KCNMA1: variants seen among roughly 807,000 people sequenced by gnomAD.
The protein encoded by KCNMA1 is Calcium-activated potassium channel subunit alpha-1.
A neutral mutation model predicts 140.0 loss-of-function variants in KCNMA1; 29 were observed. The ratio of observed to expected loss-of-function variants is 0.21; its 90% CI spans 0.15 to 0.28. The LOEUF is 0.28. Among genes scored for constraint, KCNMA1 ranks in the 10% least tolerant of loss-of-function variants. The pLI is 1.00. For synonymous variants in KCNMA1, 612 were observed against 611.9 expected, an observed-to-expected ratio of 1.00 and a Z score of 0.00; for missense variants, 880 against 1,602.2, an observed-to-expected ratio of 0.55 and a Z score of 7.70.
chr10:77,364,368 T>C (rs57082167), intron 2 of KCNMA1, among the ~76,000 whole-genome samples: 6,186 of 152,070 alleles, frequency 0.041, 433 homozygotes, highest in African/African-American at 0.14. Context: ...GGACAATCTC[T>C]TGAACCCCAG....
intron 9 of KCNMA1, among the ~76,000 whole-genome samples, chr10:77,100,423 C>G (rs1193732073): frequency 1.3e-5 from 2 of 152,186 alleles, no homozygotes; most frequent in Non-Finnish European, 2.9e-5. Flanking sequence ...ATATTTGGAA[C>G]AGTCCCTGTG....
intron 18 of KCNMA1, chr10:77,008,335 G>T (rs1381681088): frequency 1.3e-6 from 1 of 748,088 alleles, no homozygotes; most frequent in Non-Finnish European, 2.1e-6. Context: ...TTGTCCACTA[G>T]GAGTCCACAC....
intron 2 of KCNMA1, among the ~76,000 whole-genome samples, chr10:77,339,344 C>T (rs1015726978): frequency 3.4e-4 from 52 of 152,164 alleles, no homozygotes; most frequent in African/African-American, 1.2e-3. Context: ...AGCCTCTCTG[C>T]TCCTGTGCTC....
intron 2 of KCNMA1, among the ~76,000 whole-genome samples, chr10:77,253,134 A>G (rs1238356727): frequency 1.3e-5 from 2 of 152,202 alleles, no homozygotes; most frequent in Admixed American, 6.5e-5. Context: ...CTGTGCTGCT[A>G]TTTCTGAGGC....
intron 3 of KCNMA1, among the ~76,000 whole-genome samples, chr10:77,208,128 C>T (rs1382837499): frequency 2.6e-5 from 4 of 152,220 alleles, no homozygotes; most frequent in Non-Finnish European, 5.9e-5. Flanking sequence ...TGCAAATCTG[C>T]GGATACGCAT....
At chr10:77,253,789 T>C (rs1459306027) in intron 2 of KCNMA1, among the ~76,000 whole-genome samples, 1 of 152,178 alleles carries the variant, frequency 6.6e-6, no homozygotes, top group Non-Finnish European at 1.5e-5. Context: ...TACGATGAAA[T>C]GCTCCCTGGG....
chr10:76,974,537 G>T (rs1433211743), intron 19 of KCNMA1: 1 of 1,549,960 alleles, frequency 6.5e-7, no homozygotes, highest in Non-Finnish European at 8.7e-7. Context: ...GAACTCAAAT[G>T]GATCTTTGGA....
chr10:77,067,226 G>A (rs2095988888), intron 14 of KCNMA1, among the ~76,000 whole-genome samples: 1 of 152,174 alleles, frequency 6.6e-6, no homozygotes, highest in South Asian at 2.1e-4. Context: ...CTAACCCACT[G>A]AAGGCCTGAA....
In KCNMA1 at chr10:77,262,693, C is replaced by T. The variant is rs538789043; in HGVS notation, c.541-11437G>A. On this transcript the variant is annotated intron_variant, in intron 2 of 27. Transcript: ENST00000286628. ...GACCTCTGCACTTCTTTCTTGTCCC[C>T]TTGCTCCTGCTCCCTCTCTTGCCAT... 3.3e-5 allele frequency among the ~76,000 whole-genome samples: 5 copies of T among 152,096 alleles called. No homozygotes were observed. The East Asian group carries it at 7.8e-4, about 24-fold the overall frequency.
intron 5 of KCNMA1, among the ~76,000 whole-genome samples, chr10:77,179,697 A>G (rs183155433): frequency 6.6e-6 from 1 of 152,248 alleles, no homozygotes; most frequent in East Asian, 1.9e-4. Context: ...CAGACCACAT[A>G]CTGGGGAATG....
intron 1 of KCNMA1, among the ~76,000 whole-genome samples, chr10:77,496,049 C>T (rs1279801019): frequency 6.6e-6 from 1 of 152,190 alleles, no homozygotes; most frequent in African/African-American, 2.4e-5. Flanking sequence ...CTGGAAGCCC[C>T]ACCCCTAGAA....
chr10:77,605,100 C>A (rs1021124522), intron 1 of KCNMA1, among the ~76,000 whole-genome samples: 2 of 152,268 alleles, frequency 1.3e-5, no homozygotes, highest in African/African-American at 4.8e-5. Context: ...AGCCAGCTGC[C>A]GGGCTTTCCA....
chr10:77,241,161 T>C (rs1428959897), intron 3 of KCNMA1, among the ~76,000 whole-genome samples: 3 of 152,184 alleles, frequency 2.0e-5, no homozygotes, highest in African/African-American at 7.2e-5. Flanking sequence ...TCTCTGAGCA[T>C]GTTTTCTTAT....
intron 1 of KCNMA1, among the ~76,000 whole-genome samples, chr10:77,441,775 G>A (rs959928498): frequency 2.0e-5 from 3 of 152,152 alleles, no homozygotes; most frequent in Non-Finnish European, 2.9e-5. Flanking sequence ...GATCCTGGAA[G>A]GGCTGATCCG....
At chr10:77,460,365 T>G (rs2097843195) in intron 1 of KCNMA1, among the ~76,000 whole-genome samples, 1 of 152,108 alleles carries the variant, frequency 6.6e-6, no homozygotes, top group Non-Finnish European at 1.5e-5. Flanking sequence ...GAACTACTAT[T>G]CAATCTAGCA....
intron 3 of KCNMA1, chr10:77,250,219 G>A (rs1032579688): frequency 1.3e-5 from 2 of 152,182 alleles, no homozygotes; most frequent in African/African-American, 4.8e-5. Flanking sequence ...AGGTTTCCTA[G>A]TATCAAAGTC....
At chr10:77,420,049 C>T (rs532050290) in intron 1 of KCNMA1, among the ~76,000 whole-genome samples, 2 of 152,350 alleles carry the variant, frequency 1.3e-5, no homozygotes, top group East Asian at 3.9e-4. Context: ...ATGATTTGTA[C>T]CTGCCTTGGA....
chr10:77,616,018 A>G (rs1271914118), intron 1 of KCNMA1, among the ~76,000 whole-genome samples: 1 of 152,242 alleles, frequency 6.6e-6, no homozygotes, highest in Non-Finnish European at 1.5e-5. Context: ...GAAGAAAGTG[A>G]GCTTTGCAAG....
intron 3 of KCNMA1, among the ~76,000 whole-genome samples, chr10:77,226,221 T>C (rs1031405816): frequency 2.0e-5 from 3 of 151,962 alleles, no homozygotes; most frequent in African/African-American, 7.2e-5. Flanking sequence ...GCTGGGAGGG[T>C]TCTTGCCCTT....
Sources: allele counts gnomAD v4.1 joint callset (sites outside exome capture counted in the v4.1 genomes callset), GRCh38; gene constraint gnomAD v4.1.1; transcripts MANE v1.5; gene names NCBI Gene and HGNC (gene_info 2026-07-23, HGNC 2026-07-21).